Variants in SHBG observed in about 807,000 individuals in gnomAD.
The protein encoded by SHBG is sex hormone-binding globulin.
In SHBG, 37 loss-of-function variants were observed where a neutral mutation model predicts 41.9. The observed-to-expected ratio is 0.88, with a 90% CI of 0.68 to 1.16. SHBG has a LOEUF of 1.16. Among genes scored for constraint, SHBG ranks in the 50% most tolerant of loss-of-function variants. SHBG has a pLI of 0.00. For missense variants in SHBG, 466 were observed against 499.9 expected, an observed-to-expected ratio of 0.93 and a Z score of 0.65; for synonymous variants, 217 against 205.8, an observed-to-expected ratio of 1.05 and a Z score of -0.47.
Position 7,632,835 on chromosome 17 carries a change from G to A in SHBG, c.936G>A (p.Met312Ile), listed in dbSNP as rs781352682. 1.3e-5 allele frequency: 21 copies of A among 1,614,178 alleles called. No homozygotes were observed. Among genetic ancestry groups the A allele is most frequent in the Non-Finnish European group, 1.6e-5 (19 of 1,180,022 alleles). Residue 312 changes from methionine (M) to isoleucine (I), a missense_variant, in exon 7 of 8, where the codon ATG (methionine) becomes ATA (isoleucine). By Grantham distance (10) the Met-to-Ile change is conservative (BLOSUM62 1). Coordinates refer to ENST00000380450, the MANE Select transcript of SHBG (RefSeq NM_001040.5). ...LGLPLQLKLSMSRVVLSQGSK... is the reference protein window; with the variant it reads ...LGLPLQLKLSISRVVLSQGSK... ...TCCCTCTTCAGCTGAAGCTGAGTAT[G>A]TCCAGGGTGGTCTTGAGCCAAGGGT...
At chr17:7,623,081 G>A (rs114255728), upstream of SHBG, among the ~76,000 whole-genome samples, 4,443 of 149,342 alleles carry the variant, frequency 0.03, 203 homozygotes, top group African/African-American at 0.1. Context: ...GACAAAACAA[G>A]ATGGGGGCAA....
chr17:7,614,171 C>T, intron 1 of SHBG: 1 of 650,312 alleles, frequency 1.5e-6, no homozygotes, highest in South Asian at 1.5e-5. Flanking sequence ...GGGGTCTCTC[C>T]TGCGGAGCGG....
At chr17:7,625,176 T>A (rs1488854158), upstream of SHBG, among the ~76,000 whole-genome samples, 2 of 151,850 alleles carry the variant, frequency 1.3e-5, no homozygotes, top group African/African-American at 4.8e-5. Flanking sequence ...CTTGAACTCC[T>A]GACCTCAGAT....
In SHBG at chr17:7,632,872, GC is replaced by G. The variant is rs1235050632; in HGVS notation, c.976del (p.Ala327ProfsTer5). The G allele has an allele frequency of 6.2e-7, 1 of 1,614,128 alleles. No individual in the cohort carries two copies. Among genetic ancestry groups the G allele is most frequent in the Admixed American group, 1.7e-5 (1 of 60,010 alleles). On this transcript the variant is annotated frameshift_variant, in exon 7 of 8. Transcript: ENST00000380450. LOFTEE classifies it high-confidence loss of function. ...CTTGAGCCAAGGGTCGAAGATGAAG[GC>G]CCTTGCCCTGCCTCCCTTAGGCCTG... ...VVLSQGSKMKALALPPLGLAP... is the reference protein window; with the variant it reads ...VVLSQGSKMKXLALPPLGLAP...
At chr17:7,614,476 G>A in intron 1 of SHBG, 2 of 1,541,544 alleles carry the variant, frequency 1.3e-6, no homozygotes, top group African/African-American at 1.4e-5. Context: ...CGTTGGAGCC[G>A]CGCACCTCGA....
chr17:7,617,877 C>T (rs955308538), intron 1 of SHBG, among the ~76,000 whole-genome samples: 7 of 152,112 alleles, frequency 4.6e-5, no homozygotes, highest in African/African-American at 1.4e-4. Flanking sequence ...TGAGCTCGGG[C>T]GTTCAGGAGC....
intron 1 of SHBG, among the ~76,000 whole-genome samples, chr17:7,622,955 C>A (rs1021162339): frequency 6.7e-6 from 1 of 150,292 alleles, no homozygotes; most frequent in Non-Finnish European, 1.5e-5. Flanking sequence ...GAGAATGGCA[C>A]GAACCTGAGA....
In SHBG at chr17:7,630,279, C is replaced by A. The variant is rs373254168; in HGVS notation, c.107C>A (p.Thr36Asn). 3.7e-6 allele frequency: 6 copies of A among 1,607,976 alleles called. No homozygotes were observed. In the African/African-American group the frequency reaches 8.0e-5, roughly 22 times the overall value. Reference sequence around the variant, plus strand: ...TGGGCCCTGAGACCTGTTCTCCCCACCCAGGTGCAGGAGCGGGACAGGGCA... The same window carrying A: ...TGGGCCCTGAGACCTGTTCTCCCCAACCAGGTGCAGGAGCGGGACAGGGCA... Reference protein sequence around the residue: ...QGWALRPVLPTQSAHDPPAVH... With the variant: ...QGWALRPVLPNQSAHDPPAVH... Residue 36 changes from threonine (T) to asparagine (N), a missense_variant, in exon 1 of 8, where the codon ACC becomes AAC. By Grantham distance (65) the Thr-to-Asn change is moderately conservative. Transcript: ENST00000380450. This position sits in a 1 kb window ranked among gnomAD's most constrained non-coding sequence, Gnocchi z 4.6.
At chr17:7,627,004 G>A (rs2072232163), upstream of SHBG, 1 of 1,613,848 alleles carries the variant, frequency 6.2e-7, no homozygotes, top group Non-Finnish European at 8.5e-7. This position sits in a 1 kb window ranked among gnomAD's most constrained non-coding sequence, Gnocchi z 4.8. Context: ...TCCATGTACT[G>A]TAGATGAAAT....
intron 1 of SHBG, chr17:7,614,197 G>C (rs1597885351): frequency 1.5e-6 from 1 of 675,554 alleles, no homozygotes; most frequent in Non-Finnish European, 2.7e-6. Flanking sequence ...GCCAAGCCAG[G>C]GACAATAATG....
At chr17:7,616,499 C>T (rs913577678) in intron 1 of SHBG, among the ~76,000 whole-genome samples, 2 of 145,232 alleles carry the variant, frequency 1.4e-5, no homozygotes, top group Non-Finnish European at 3.0e-5. Flanking sequence ...GTGGCGGGCG[C>T]CTGTAGTCCC....
At chr17:7,626,868 C>A (rs764681729), upstream of SHBG, 55 of 1,606,082 alleles carry the variant, frequency 3.4e-5, no homozygotes, top group Non-Finnish European at 4.6e-5. Context: ...ACCGGCTGGG[C>A]TCTGGGGACA....
At chr17:7,615,366 C>T (rs1344426683) in intron 1 of SHBG, among the ~76,000 whole-genome samples, 1 of 152,234 alleles carries the variant, frequency 6.6e-6, no homozygotes, top group East Asian at 1.9e-4. Flanking sequence ...AGAGGAGTCG[C>T]CGCAAGGAAA....
rs779461334 is a variant in SHBG at position 7,630,427 on chromosome 17, C to T, written c.123C>T (p.Asp41=). The change falls in exon 2 of 8, where the codon GAC becomes GAT. Residue 41 remains aspartate (D), a synonymous_variant. Transcript: ENST00000380450. This position sits in a 1 kb window ranked among gnomAD's most constrained non-coding sequence, Gnocchi z 4.6. ...RPVLPTQSAH[D]PPAVHLSNGP... Reference sequence around the variant, plus strand: ...TCTCTTTCTGATAGAGTGCCCACGACCCTCCGGCTGTCCACCTCAGCAATG... The same window carrying T: ...TCTCTTTCTGATAGAGTGCCCACGATCCTCCGGCTGTCCACCTCAGCAATG... 5.6e-6 allele frequency: 9 copies of T among 1,614,020 alleles called. No homozygotes were observed. Among genetic ancestry groups the T allele is most frequent in the Non-Finnish European group, 7.6e-6 (9 of 1,179,928 alleles).
Position 7,630,151 on chromosome 17 carries a change from G to T in SHBG, c.-22G>T. 2 of 1,591,692 alleles carry T rather than the reference G, an allele frequency of 1.3e-6. No individual in the cohort carries two copies. Among genetic ancestry groups the T allele is most frequent in the South Asian group, 1.1e-5 (1 of 90,656 alleles). On this transcript the variant is annotated 5_prime_UTR_variant, in exon 1 of 8. Coordinates refer to ENST00000380450, the MANE Select transcript of SHBG (RefSeq NM_001040.5). This position sits in a 1 kb window ranked among gnomAD's most constrained non-coding sequence, Gnocchi z 4.6. Reference sequence around the variant, plus strand: ...CATTCTCCCAAGAGTTGTCTGAGCCGCCGAGTGGACAGTGGCTGATTATGG... The same window carrying T: ...CATTCTCCCAAGAGTTGTCTGAGCCTCCGAGTGGACAGTGGCTGATTATGG...
chr17:7,627,837 C>A (rs1257763437), upstream of SHBG: 1 of 665,880 alleles, frequency 1.5e-6, no homozygotes. This position sits in a 1 kb window ranked among gnomAD's most constrained non-coding sequence, Gnocchi z 4.8. Context: ...GCCAGCGAGG[C>A]GATCCTCTGT....
intron 1 of SHBG, among the ~76,000 whole-genome samples, chr17:7,615,813 G>A (rs2071973119): frequency 6.9e-6 from 1 of 144,696 alleles, no homozygotes; most frequent in Admixed American, 7.1e-5. Flanking sequence ...CAGCCTGGGC[G>A]ACAGAGCAAG....
intron 3 of SHBG, 146 bp downstream of exon 3, chr17:7,631,015 C>G: frequency 2.0e-6 from 2 of 987,516 alleles, no homozygotes; most frequent in East Asian, 2.6e-5. Context: ...TTGGCCCCAT[C>G]TTTTCTGATG....
upstream of SHBG, chr17:7,627,613 T>C (rs1244612892): frequency 8.7e-6 from 14 of 1,613,404 alleles, no homozygotes; most frequent in South Asian, 1.3e-4. This position sits in a 1 kb window ranked among gnomAD's most constrained non-coding sequence, Gnocchi z 4.8. Context: ...CTCCTTGGCC[T>C]CTCGGATCCG....
Sources: gnomAD v4.1 joint callset for allele counts (sites outside exome capture counted in the v4.1 genomes callset) on GRCh38, gnomAD v4.1.1 for gene constraint, Gnocchi (gnomAD v3.1) non-coding constraint, MANE v1.5 for transcripts, NCBI Gene and HGNC (gene_info 2026-07-23, HGNC 2026-07-21) for gene names.